VWA1: variants seen among roughly 807,000 people sequenced by gnomAD.
VWA1 encodes von Willebrand factor A domain containing 1.
In VWA1, 12 loss-of-function variants were observed where a neutral mutation model predicts 14.9. The ratio of observed to expected loss-of-function variants is 0.80; its 90% CI spans 0.52 to 1.30. The LOEUF is 1.30. Among genes scored for constraint, VWA1 ranks in the 50% most tolerant of loss-of-function variants. The pLI, the probability that VWA1 is intolerant of heterozygous loss-of-function variation, is 0.00. For missense variants in VWA1, 800 were observed against 649.1 expected, an observed-to-expected ratio of 1.23 and a Z score of -2.53; for synonymous variants, 368 against 310.7, an observed-to-expected ratio of 1.18 and a Z score of -1.94.
At chr1:1,439,038 G>A in intron 2 of VWA1, 43 bp from the exon 3 acceptor site, 6 of 1,575,158 alleles carry the variant, frequency 3.8e-6, no homozygotes, top group Non-Finnish European at 5.1e-6. Context: ...AGCAGCGGAG[G>A]AGGAACTGAC....
intron 2 of VWA1, 122 bp from the exon 3 acceptor site, chr1:1,438,959 G>A (rs571942631): frequency 2.3e-5 from 32 of 1,416,812 alleles, no homozygotes; most frequent in East Asian, 5.3e-5. Flanking sequence ...CTCCTTGGCC[G>A]CGGGGCCCCG....
In VWA1 at chr1:1,442,534, A is replaced by C. The variant is rs1159493424; in HGVS notation, c.*2747A>C. On this transcript the variant is annotated 3_prime_UTR_variant, in exon 3 of 3. Coordinates refer to ENST00000476993, the MANE Select transcript of VWA1 (RefSeq NM_022834.5). ...GGGCTGCGGTCACCTCCCACATCTG[A>C]AGAGAACCAACCTGAGGATTTCACG... The C allele has an allele frequency of 6.6e-6, 1 of 152,296 alleles. No homozygotes were observed. Among genetic ancestry groups the C allele is most frequent in the Admixed American group, 6.5e-5 (1 of 15,280 alleles). 9.4% of individuals were successfully genotyped at this position (152,296 alleles called of 1,614,324 possible).
At position 1,436,961 on chromosome 1, in the gene VWA1, G is replaced by C; in HGVS notation, c.108G>C (p.Met36Ile). 1 of 1,611,384 alleles carries C rather than the reference G, an allele frequency of 6.2e-7. No homozygotes were observed. The highest frequency in any genetic ancestry group is 1.3e-5 in the African/African-American group (1 of 75,044). The change falls in exon 2 of 3, where the codon ATG (methionine) becomes ATC (isoleucine). Residue 36 changes from methionine to isoleucine, a missense_variant. Physicochemically the swap from Met to Ile is conservative, Grantham distance 10 (BLOSUM62 1). Coordinates refer to ENST00000476993, the MANE Select transcript of VWA1 (RefSeq NM_022834.5). Reference protein sequence around the residue: ...PPASAPRGDLMFLLDSSASVS... With the variant: ...PPASAPRGDLIFLLDSSASVS... ...CATCAGCCCCCCGAGGGGACCTGAT[G>C]TTCCTGCTGGACAGCTCAGCCAGCG...
rs377588479 is a variant in VWA1, at chr1:1,437,052, G to A, written c.199G>A (p.Gly67Ser). The A allele has an allele frequency of 4.3e-6, 7 of 1,611,112 alleles. No individual in the cohort carries two copies. The African/African-American group carries it at 9.3e-5, about 22-fold the overall frequency. Residue 67 changes from glycine to serine, a missense_variant, in exon 2 of 3, where the codon GGC becomes AGC. By Grantham distance (56) the Gly-to-Ser change is moderately conservative. Coordinates refer to ENST00000476993, the MANE Select transcript of VWA1 (RefSeq NM_022834.5). ...GCAGCTGGTGGCTCCACTGCCCCTGGGCACCGGGGCCCTGCGTGCCAGTCT... is the reference window on the plus strand; with the variant it reads ...GCAGCTGGTGGCTCCACTGCCCCTGAGCACCGGGGCCCTGCGTGCCAGTCT... Reference protein sequence around the residue: ...VGQLVAPLPLGTGALRASLVH... With the variant: ...VGQLVAPLPLSTGALRASLVH...
Position 1,439,165 on chromosome 1 carries a change from A to G in VWA1, c.716A>G (p.Asp239Gly). ...RLAWPPLLTADSGYYVLELVP... is the reference protein window; with the variant it reads ...RLAWPPLLTAGSGYYVLELVP... The stretch of plus-strand genomic sequence containing the variant: ...GCCTGGCCACCCCTGCTGACCGCAG[A>G]CTCGGGCTACTATGTGCTGGAGCTG... The change falls in exon 3 of 3, where the codon GAC (aspartate) becomes GGC (glycine). Residue 239 changes from aspartate (D) to glycine (G), a missense_variant. Coordinates refer to ENST00000476993, the MANE Select transcript of VWA1 (RefSeq NM_022834.5). 1.9e-6 allele frequency: 3 copies of G among 1,604,330 alleles called. No individual in the cohort carries two copies. The South Asian group carries it at 3.3e-5, about 18-fold the overall frequency.
chr1:1,437,140 C>T lies in VWA1; in HGVS notation c.287C>T (p.Ala96Val), dbSNP rs143505871. The stretch of plus-strand genomic sequence containing the variant: ...TTCGGCCAGCACAGCTCGGGTGAGG[C>T]TGCCCAGGATGCGGTGCGTGCTTCT... ...FPFGQHSSGE[A>V]AQDAVRASAQ... Residue 96 changes from alanine to valine, a missense_variant, in exon 2 of 3, where the codon GCT becomes GTT. By Grantham distance (64) the Ala-to-Val change is moderately conservative (BLOSUM62 0). Coordinates refer to ENST00000476993, the MANE Select transcript of VWA1 (RefSeq NM_022834.5). The T allele has an allele frequency of 2.7e-4, 439 of 1,606,454 alleles. No individual in the cohort carries two copies. The highest frequency in any genetic ancestry group is 3.5e-4 in the Non-Finnish European group (412 of 1,175,580).
chr1:1,438,924 C>T (rs1241055713), intron 2 of VWA1, among the ~76,000 whole-genome samples, 157 bp from the exon 3 acceptor site: 1 of 152,226 alleles, frequency 6.6e-6, no homozygotes, highest in Non-Finnish European at 1.5e-5. Context: ...GAATCCCCAG[C>T]ATCTGCGGGG....
rs779765750 is a variant in VWA1 at position 1,437,356 on chromosome 1, T to A, written c.503T>A (p.Val168Asp). ...GACCTGGGCGTCACCGTGTTCATTG[T>A]CAGCACCGGCCGAGGCAACTTCCTG... ...LKDLGVTVFIVSTGRGNFLEL... is the reference protein window; with the variant it reads ...LKDLGVTVFIDSTGRGNFLEL... The change falls in exon 2 of 3, where the codon GTC becomes GAC. Residue 168 changes from valine (V) to aspartate (D), a missense_variant. Physicochemically the swap from Val to Asp is radical, Grantham distance 152. Coordinates refer to ENST00000476993, the MANE Select transcript of VWA1 (RefSeq NM_022834.5). 3.7e-6 allele frequency: 6 copies of A among 1,612,774 alleles called. No individual in the cohort carries two copies. Among genetic ancestry groups the A allele is most frequent in the Non-Finnish European group, 5.1e-6 (6 of 1,179,954 alleles).
In VWA1 at chr1:1,435,727, C is replaced by A; in HGVS notation, c.-22C>A. On this transcript the variant is annotated 5_prime_UTR_variant, in exon 1 of 3. Coordinates refer to ENST00000476993, the MANE Select transcript of VWA1 (RefSeq NM_022834.5). ...GCGAGCGAGCGAGCGAGTTGCCGAG[C>A]GCGCCCCGTCCCTCGCGCGCGATGC... 8.3e-7 allele frequency: 1 copy of A among 1,198,216 alleles called. No individual in the cohort carries two copies. The highest frequency in any genetic ancestry group is 1.0e-6 in the Non-Finnish European group (1 of 960,024). 74.2% of individuals were successfully genotyped at this position (1,198,216 alleles called of 1,614,324 possible). A position where few individuals can be genotyped will look rare whatever the true frequency, so the allele number is the denominator to read the frequency against.
intron 2 of VWA1, 25 bp from the exon 3 acceptor site, chr1:1,439,056 C>G: frequency 6.3e-7 from 1 of 1,591,806 alleles, no homozygotes; most frequent in Non-Finnish European, 8.5e-7. Context: ...GACCGCTGTT[C>G]CCTGACCCCC....
At position 1,437,235 on chromosome 1, in the gene VWA1, G is replaced by A. The variant is rs1163872526; in HGVS notation, c.382G>A (p.Ala128Thr). 10 of 1,611,224 alleles carry A rather than the reference G, an allele frequency of 6.2e-6. No individual in the cohort carries two copies. The highest frequency in any genetic ancestry group is 1.6e-4 in the Middle Eastern group (1 of 6,074). The change falls in exon 2 of 3, where the codon GCA becomes ACA. Residue 128 changes from alanine to threonine, a missense_variant. Physicochemically the swap from Ala to Thr is moderately conservative, Grantham distance 58 (BLOSUM62 0). Coordinates refer to ENST00000476993, the MANE Select transcript of VWA1 (RefSeq NM_022834.5). ...TGCCAAGGAACAGCTGTTTGCTGAAGCATCAGGTGCCCGGCCAGGGGTGCC... is the reference window on the plus strand; with the variant it reads ...TGCCAAGGAACAGCTGTTTGCTGAAACATCAGGTGCCCGGCCAGGGGTGCC... ...VYAKEQLFAE[A>T]SGARPGVPKV...
In VWA1 at chr1:1,436,677, GC is replaced by G. The variant is rs1213360744; in HGVS notation, c.74-249del. 6 of 466,840 alleles carry G rather than the reference GC, an allele frequency of 1.3e-5. No homozygotes were observed. The Admixed American group carries it at 2.3e-4, about 18-fold the overall frequency. 28.9% of individuals were successfully genotyped at this position (466,840 alleles called of 1,614,324 possible). A position where few individuals can be genotyped will look rare whatever the true frequency, so the allele number is the denominator to read the frequency against. On this transcript the variant is annotated intron_variant, in intron 1 of 2. Transcript: ENST00000476993. The stretch of plus-strand genomic sequence containing the variant: ...GAATGGGAAGGTGTGGGGGCTTGGA[GC>G]GGAGAGTCGCCCTCTCACAGATGGG...
At position 1,439,817 on chromosome 1, in the gene VWA1, G is replaced by GGCGCCTACCTGAGGGCCC. The variant is rs1638626672; in HGVS notation, c.*31_*48dup. On this transcript the variant is annotated 3_prime_UTR_variant, in exon 3 of 3. Coordinates refer to ENST00000476993, the MANE Select transcript of VWA1 (RefSeq NM_022834.5). ...GCGTCCCCGCCCAGCCGAGAGGGCC[G>GGCGCCTACCTGAGGGCCC]GCGCCTACCTGAGGGCCCCTGTGTC... 2.7e-5 allele frequency: 29 copies of GGCGCCTACCTGAGGGCCC among 1,063,176 alleles called. No homozygotes were observed. The highest frequency in any genetic ancestry group is 3.3e-5 in the Non-Finnish European group (29 of 879,672). 65.9% of individuals were successfully genotyped at this position (1,063,176 alleles called of 1,614,324 possible).
rs575738541 is a variant in VWA1 at position 1,439,878 on chromosome 1, G to A, written c.*91G>A. 2.0e-5 allele frequency: 21 copies of A among 1,028,880 alleles called. No homozygotes were observed. The African/African-American group carries it at 2.8e-4, about 14-fold the overall frequency. 63.7% of individuals were successfully genotyped at this position (1,028,880 alleles called of 1,614,324 possible). Reference sequence around the variant, plus strand: ...AGCGGAGGCGCCCAACCCGGCAGACGGGTGCAGGCCCGGCCTTTCCCCACG... The same window carrying A: ...AGCGGAGGCGCCCAACCCGGCAGACAGGTGCAGGCCCGGCCTTTCCCCACG... On this transcript the variant is annotated 3_prime_UTR_variant, in exon 3 of 3. Coordinates refer to ENST00000476993, the MANE Select transcript of VWA1 (RefSeq NM_022834.5).
In VWA1 at chr1:1,437,105, C is replaced by G; in HGVS notation, c.252C>G (p.Thr84=). 1.2e-6 allele frequency: 2 copies of G among 1,605,112 alleles called. No homozygotes were observed. The highest frequency in any genetic ancestry group is 1.3e-5 in the African/African-American group (1 of 74,950). The stretch of plus-strand genomic sequence containing the variant: ...TGCACGTGGGCAGTCGGCCATACAC[C>G]GAGTTCCCCTTCGGCCAGCACAGCT... The part of the protein sequence containing the change: ...SLVHVGSRPY[T]EFPFGQHSSG... Residue 84 remains threonine, a synonymous_variant, in exon 2 of 3, where the codon ACC becomes ACG. Coordinates refer to ENST00000476993, the MANE Select transcript of VWA1 (RefSeq NM_022834.5).
rs1410742927 is a variant in VWA1 at position 1,439,728 on chromosome 1, C to A, written c.1279C>A (p.Pro427Thr). The change falls in exon 3 of 3, where the codon CCG (proline) becomes ACG (threonine). Residue 427 changes from proline to threonine, a missense_variant. Physicochemically the swap from Pro to Thr is conservative, Grantham distance 38 (BLOSUM62 -1). Coordinates refer to ENST00000476993, the MANE Select transcript of VWA1 (RefSeq NM_022834.5). Reference protein sequence around the residue: ...AKACTPDGPRPRPRPVPRAPT... With the variant: ...AKACTPDGPRTRPRPVPRAPT... ...GGCCTGCACGCCCGACGGCCCGCGC[C>A]CGCGCCCACGCCCCGTGCCCCGCGC... is the stretch of plus-strand genomic sequence containing the variant. 3 of 1,133,518 alleles carry A rather than the reference C, an allele frequency of 2.6e-6. No individual in the cohort carries two copies. In the African/African-American group the frequency reaches 5.1e-5, roughly 19 times the overall value. The allele number at this position is 1,133,518 out of a possible 1,614,324, so 70.2% of individuals were successfully genotyped here.
Position 1,439,463 on chromosome 1 carries a change from C to A in VWA1, c.1014C>A (p.Ile338=). The A allele has an allele frequency of 7.0e-7, 1 of 1,425,138 alleles. No individual in the cohort carries two copies. The highest frequency in any genetic ancestry group is 1.4e-5 in the South Asian group (1 of 71,102). 88.3% of individuals were successfully genotyped at this position (1,425,138 alleles called of 1,614,324 possible). Residue 338 remains isoleucine (I), a synonymous_variant, in exon 3 of 3, where the codon ATC becomes ATA. Coordinates refer to ENST00000476993, the MANE Select transcript of VWA1 (RefSeq NM_022834.5). The stretch of plus-strand genomic sequence containing the variant: ...CAGAGGAGGCCGGGCCAGAGCGCAT[C>A]GTCATCTCCCACGCCCGGCCGCGCA... ...PAPEEAGPER[I]VISHARPRSL... is the part of the protein sequence containing the mutation.
chr1:1,438,434 A>T (rs1325131508), intron 2 of VWA1, among the ~76,000 whole-genome samples: 3 of 152,134 alleles, frequency 2.0e-5, no homozygotes, highest in African/African-American at 7.2e-5. Context: ...GATGGGAAGA[A>T]AGTGGCCCAG....
Position 1,439,569 on chromosome 1 carries a change from G to T in VWA1, c.1120G>T (p.Gly374Trp), listed in dbSNP as rs1258966053. Residue 374 changes from glycine (G) to tryptophan (W), a missense_variant, in exon 3 of 3, where the codon GGG becomes TGG. By Grantham distance (184) the Gly-to-Trp change is radical (BLOSUM62 -2). Transcript: ENST00000476993. ...CGTGCAGTTCGGGCCGCTGCGGGGC[G>T]GGGAGGCGCAGCGGGTGGAGGTGCC... ...YHVQFGPLRG[G>W]EAQRVEVPAG... is the part of the protein sequence containing the mutation. 18 of 1,305,390 alleles carry T rather than the reference G, an allele frequency of 1.4e-5. No individual in the cohort carries two copies. The highest frequency in any genetic ancestry group is 1.7e-5 in the Non-Finnish European group (18 of 1,029,586). 80.9% of individuals were successfully genotyped at this position (1,305,390 alleles called of 1,614,324 possible).
Sources: allele counts gnomAD v4.1 joint callset (sites outside exome capture counted in the v4.1 genomes callset), GRCh38; gene constraint gnomAD v4.1.1; transcripts MANE v1.5; gene names NCBI Gene and HGNC (gene_info 2026-07-23, HGNC 2026-07-21).